Variants in LRMDA observed in about 807,000 individuals in gnomAD.
LRMDA encodes leucine rich melanocyte differentiation associated.
A neutral mutation model predicts 29.8 loss-of-function variants in LRMDA; 18 were observed. That is an observed-to-expected ratio of 0.60 (90% confidence interval 0.42 to 0.90). The LOEUF is 0.90. LRMDA is among the 40% of genes least tolerant of loss of function. The pLI is 0.00. For synonymous variants in LRMDA, 125 were observed against 109.4 expected, an observed-to-expected ratio of 1.14 and a Z score of -0.89; for missense variants, 273 against 273.9, an observed-to-expected ratio of 1.00 and a Z score of 0.02.
chr10:75,575,703 G>A (rs751198837), intron 2 of LRMDA, among the ~76,000 whole-genome samples: 4 of 152,156 alleles, frequency 2.6e-5, no homozygotes, highest in Admixed American at 2.6e-4. Flanking sequence ...TTAGACAGTG[G>A]GTGCAGCCCA....
chr10:76,475,533 T>C (rs769005564), intron 6 of LRMDA, among the ~76,000 whole-genome samples: 2 of 151,970 alleles, frequency 1.3e-5, no homozygotes, highest in Non-Finnish European at 2.9e-5. Flanking sequence ...TGAATTCAGC[T>C]CTGCACCAAG....
At chr10:76,414,163 T>C (rs1841991236) in intron 6 of LRMDA, among the ~76,000 whole-genome samples, 1 of 152,228 alleles carries the variant, frequency 6.6e-6, no homozygotes, top group Admixed American at 6.5e-5. Context: ...TTCAGCTTCC[T>C]CATCTAGTGA....
chr10:76,006,492 G>A (rs1847662297), intron 2 of LRMDA, among the ~76,000 whole-genome samples: 1 of 152,134 alleles, frequency 6.6e-6, no homozygotes, highest in South Asian at 2.1e-4. Flanking sequence ...TCCAAGAGGA[G>A]AAACAGCAGC....
intron 4 of LRMDA, among the ~76,000 whole-genome samples, chr10:76,058,291 C>G (rs1323573559): frequency 6.6e-6 from 1 of 152,156 alleles, no homozygotes; most frequent in East Asian, 1.9e-4. Context: ...AGGGTACAAT[C>G]AATTTATAGG....
intron 5 of LRMDA, among the ~76,000 whole-genome samples, chr10:76,152,858 T>C (rs77701806): frequency 3.3e-5 from 5 of 152,136 alleles, no homozygotes; most frequent in African/African-American, 9.6e-5. Flanking sequence ...CTTTTTTTTT[T>C]GAGACAGAGT....
At chr10:76,234,112 G>C (rs931575823) in intron 5 of LRMDA, among the ~76,000 whole-genome samples, 1 of 152,160 alleles carries the variant, frequency 6.6e-6, no homozygotes, top group Non-Finnish European at 1.5e-5. Flanking sequence ...AAGAGGACTT[G>C]AAACTTGAAA....
rs79556111 is a variant in LRMDA at position 76,014,786 on chromosome 10, A to G, written c.132-21222A>G. On this transcript the variant is annotated intron_variant, in intron 2 of 6. Transcript: ENST00000611255. ...AGCCTGTATGGTAGAATGGAGGCCC[A>G]CTGGCTCTGGATCAGTGAGCGTGGC... Among the ~76,000 whole-genome samples the G allele has an allele frequency of 1.3e-3, 193 of 152,338 alleles. 2 individuals are homozygous for G. The East Asian group carries it at 0.031, about 24-fold the overall frequency.
chr10:75,473,636 A>G (rs537221797), intron 2 of LRMDA, among the ~76,000 whole-genome samples: 4 of 152,364 alleles, frequency 2.6e-5, no homozygotes, highest in Admixed American at 2.6e-4. Flanking sequence ...GTTTGTTACC[A>G]TGATGCTGGG....
chr10:76,424,322 G>T (rs1394363946), intron 6 of LRMDA, among the ~76,000 whole-genome samples: 1 of 151,918 alleles, frequency 6.6e-6, no homozygotes. Flanking sequence ...GAGGTCAGGA[G>T]ATTGAGACCA....
intron 2 of LRMDA, among the ~76,000 whole-genome samples, chr10:75,609,766 G>A (rs913479845): frequency 1.1e-4 from 16 of 152,268 alleles, no homozygotes; most frequent in African/African-American, 3.4e-4. Context: ...TGCGATATGC[G>A]TGCTCTGTGT....
intron 5 of LRMDA, among the ~76,000 whole-genome samples, chr10:76,135,954 A>C (rs1224949210): frequency 6.6e-6 from 1 of 152,190 alleles, no homozygotes; most frequent in Non-Finnish European, 1.5e-5. Context: ...ATTACCCAAG[A>C]ACTTTAATTC....
chr10:76,461,110 T>C (rs1207463608), intron 6 of LRMDA, among the ~76,000 whole-genome samples: 6 of 152,156 alleles, frequency 3.9e-5, no homozygotes, highest in South Asian at 4.1e-4. Flanking sequence ...ACAGTAGGCC[T>C]TTTGTTTATA....
At chr10:76,173,863 T>A (rs1472446268) in intron 5 of LRMDA, among the ~76,000 whole-genome samples, 1 of 152,154 alleles carries the variant, frequency 6.6e-6, no homozygotes. Context: ...GGTTTCACCG[T>A]GTTAGCTAGG....
chr10:75,911,857 A>G (rs1465667821), intron 2 of LRMDA, among the ~76,000 whole-genome samples: 5 of 152,164 alleles, frequency 3.3e-5, no homozygotes, highest in Non-Finnish European at 7.4e-5. Flanking sequence ...GAATAAGTCC[A>G]TGCTGTCTTC....
At chr10:76,441,530 T>A (rs190956673) in intron 6 of LRMDA, among the ~76,000 whole-genome samples, 22 of 152,184 alleles carry the variant, frequency 1.4e-4, no homozygotes, top group African/African-American at 5.3e-4. Flanking sequence ...CAACAACAAA[T>A]ACACCTAGGC....
At chr10:75,512,142 T>G (rs749960542) in intron 2 of LRMDA, among the ~76,000 whole-genome samples, 8 of 152,176 alleles carry the variant, frequency 5.3e-5, no homozygotes, top group Non-Finnish European at 8.8e-5. Flanking sequence ...AATACTATTG[T>G]CTCTGAAAAA....
chr10:75,621,179 A>G (rs968451124), intron 2 of LRMDA, among the ~76,000 whole-genome samples: 1 of 149,788 alleles, frequency 6.7e-6, no homozygotes. Context: ...GTTCCTTTTT[A>G]TGGCTGAGTA....
chr10:75,913,558 C>T (rs186562264), intron 2 of LRMDA, among the ~76,000 whole-genome samples: 78 of 152,248 alleles, frequency 5.1e-4, no homozygotes, highest in Admixed American at 1.8e-3. Context: ...TCATGCGCCC[C>T]GTGTGCCTGA....
intron 2 of LRMDA, among the ~76,000 whole-genome samples, chr10:75,834,448 C>G (rs1277080520): frequency 6.6e-6 from 1 of 152,168 alleles, no homozygotes; most frequent in Non-Finnish European, 1.5e-5. Flanking sequence ...AGTGAACCTC[C>G]TAATTTTAAC....
Sources: allele counts gnomAD v4.1 joint callset (sites outside exome capture counted in the v4.1 genomes callset), GRCh38; gene constraint gnomAD v4.1.1; transcripts MANE v1.5; gene names NCBI Gene and HGNC (gene_info 2026-07-23, HGNC 2026-07-21).